SLC30A8: variants seen among roughly 807,000 people sequenced by gnomAD.
The protein encoded by SLC30A8 is solute carrier family 30 member 8.
A neutral mutation model predicts 36.9 loss-of-function variants in SLC30A8; 27 were observed. The observed-to-expected ratio is 0.73, with a 90% CI of 0.54 to 1.01. The LOEUF is 1.01. Ranked by LOEUF, SLC30A8 falls within the 50% of genes least tolerant of loss-of-function variation. The pLI is 0.00. For synonymous variants in SLC30A8, 164 were observed against 172.4 expected (o/e 0.95, Z 0.38); for missense variants, 439 against 452.0 (o/e 0.97, Z 0.26).
intron 1 of SLC30A8, among the ~76,000 whole-genome samples, chr8:117,013,320 C>T (rs1816405692): frequency 6.6e-6 from 1 of 152,142 alleles, no homozygotes; most frequent in African/African-American, 2.4e-5. Context: ...TCTGTCTCTA[C>T]TGCATGATTC....
chr8:116,989,496 C>G (rs1815558009), intron 1 of SLC30A8, among the ~76,000 whole-genome samples: 1 of 152,088 alleles, frequency 6.6e-6, no homozygotes, highest in South Asian at 2.1e-4. Flanking sequence ...ATTGTTTATT[C>G]AGTTAAGTAA....
At chr8:116,993,550 T>C (rs1035293467) in intron 1 of SLC30A8, among the ~76,000 whole-genome samples, 1 of 152,034 alleles carries the variant, frequency 6.6e-6, no homozygotes, top group African/African-American at 2.4e-5. Context: ...ATCTAGATGT[T>C]GGAGTTAGCA....
intron 3 of SLC30A8, among the ~76,000 whole-genome samples, chr8:117,155,021 A>G (rs1353275348): frequency 1.3e-5 from 2 of 152,202 alleles, no homozygotes; most frequent in Non-Finnish European, 1.5e-5. Context: ...ATTGGTGGCT[A>G]CCATATTAAA....
intron 1 of SLC30A8, among the ~76,000 whole-genome samples, chr8:116,981,696 C>T (rs1467161647): frequency 6.6e-6 from 1 of 152,184 alleles, no homozygotes; most frequent in Non-Finnish European, 1.5e-5. Context: ...TATTAGCTCA[C>T]TTAGGATAAT....
intron 2 of SLC30A8, among the ~76,000 whole-genome samples, chr8:117,109,118 AC>A (rs1278620604): frequency 6.6e-6 from 1 of 152,108 alleles, no homozygotes; most frequent in Non-Finnish European, 1.5e-5. Context: ...TGCATCATAT[AC>A]CCGTAACTGG....
chr8:116,994,562 T>C lies in SLC30A8; in HGVS notation c.-266+43443T>C, dbSNP rs1586374052. 2.0e-5 allele frequency among the ~76,000 whole-genome samples: 3 copies of C among 152,134 alleles called. No homozygotes were observed. In the South Asian group the frequency reaches 6.2e-4, roughly 31 times the overall value. ...AGTTCTGTAGGATTCTATTTGCTCA[T>C]GTTAAGAAACAGGCAAAAACTAATC... On this transcript the variant is annotated intron_variant, in intron 1 of 10. Coordinates refer to the SLC30A8 transcript ENST00000427715.
At chr8:117,157,910 G>C (rs139260515) in intron 4 of SLC30A8, 66 bp downstream of exon 4, 35 of 1,563,388 alleles carry the variant, frequency 2.2e-5, no homozygotes, top group Admixed American at 1.2e-4. Context: ...GGACAAAGTC[G>C]ACCTTTTAAA....
At chr8:117,142,176 T>C (rs1036891886) in intron 1 of SLC30A8, among the ~76,000 whole-genome samples, 18 of 152,116 alleles carry the variant, frequency 1.2e-4, no homozygotes, top group Non-Finnish European at 8.8e-5. Flanking sequence ...GTTGCACCTC[T>C]CTATTATTCC....
At chr8:116,984,148 T>G (rs1248461573) in intron 1 of SLC30A8, among the ~76,000 whole-genome samples, 1 of 152,208 alleles carries the variant, frequency 6.6e-6, no homozygotes, top group Non-Finnish European at 1.5e-5. Flanking sequence ...AATTCATTCC[T>G]TTTTATTGCT....
Position 117,174,050 on chromosome 8 carries a change from T to A in SLC30A8, c.*1369T>A, listed in dbSNP as rs963135063. On this transcript the variant is annotated 3_prime_UTR_variant, in exon 8 of 8. Transcript: ENST00000456015. ...CACAAGGCACACTTATGTTTGTCTG[T>A]TAGCTTTTAGTTGAAAAAGCAAAAT... is the stretch of plus-strand genomic sequence containing the variant. The A allele has an allele frequency of 6.6e-6, 1 of 152,186 alleles. No homozygotes were observed. Among genetic ancestry groups the A allele is most frequent in the African/African-American group, 2.4e-5 (1 of 41,460 alleles). The allele number at this position is 152,186 out of a possible 1,614,324, so 9.4% of individuals were successfully genotyped here. A position where few individuals can be genotyped will look rare whatever the true frequency, so the allele number is the denominator to read the frequency against.
At chr8:116,995,392 A>C (rs905232147) in intron 1 of SLC30A8, among the ~76,000 whole-genome samples, 1 of 152,098 alleles carries the variant, frequency 6.6e-6, no homozygotes, top group African/African-American at 2.4e-5. Flanking sequence ...TAGTTATTTC[A>C]TGGCCACACC....
At position 117,153,085 on chromosome 8, in the gene SLC30A8, G is replaced by A. The variant is rs746249658; in HGVS notation, c.413G>A (p.Arg138Gln). 25 of 1,606,890 alleles carry A rather than the reference G, an allele frequency of 1.6e-5. No individual in the cohort carries two copies. The highest frequency in any genetic ancestry group is 4.5e-5 in the East Asian group (2 of 44,798). Residue 138 changes from arginine to glutamine, a missense_variant, in exon 3 of 8, where the codon CGA (arginine) becomes CAA (glutamine). Physicochemically the swap from Arg to Gln is conservative, Grantham distance 43. Coordinates refer to ENST00000456015, the MANE Select transcript of SLC30A8 (RefSeq NM_173851.3). The stretch of plus-strand genomic sequence containing the variant: ...AAGCGGCTGACATTTGGATGGCACC[G>A]AGCAGGTACGGTTCATAGAGTGAGC... ...PSKRLTFGWHRAEILGALLSI... is the reference protein window; with the variant it reads ...PSKRLTFGWHQAEILGALLSI...
chr8:117,044,991 G>A lies in SLC30A8; in HGVS notation c.-226+5733G>A, dbSNP rs539721510. Among the ~76,000 whole-genome samples the A allele has an allele frequency of 1.2e-3, 187 of 152,276 alleles. 1 individual carries two copies. The highest frequency in any genetic ancestry group is 4.3e-3 in the African/African-American group (179 of 41,558). On this transcript the variant is annotated intron_variant, in intron 2 of 10. Transcript: ENST00000427715. ...GATGCATTAAACAAACGCGAGCCAG[G>A]GATTCCAGTAGGGAATTTAACACTG...
At chr8:117,036,107 AT>A (rs201412179) in intron 1 of SLC30A8, among the ~76,000 whole-genome samples, 4 of 140,846 alleles carry the variant, frequency 2.8e-5, no homozygotes, top group Admixed American at 1.4e-4. Context: ...GCCAGTTTGA[AT>A]TCCCCCCCCC....
intron 6 of SLC30A8, among the ~76,000 whole-genome samples, chr8:117,169,304 C>T (rs1023423727): frequency 2.0e-5 from 3 of 152,182 alleles, no homozygotes; most frequent in South Asian, 4.1e-4. Flanking sequence ...CATTTTTTGC[C>T]GAGTGTTCCA....
intron 2 of SLC30A8, among the ~76,000 whole-genome samples, chr8:117,097,935 A>C (rs187799516): frequency 5.0e-5 from 5 of 100,824 alleles, no homozygotes; most frequent in Non-Finnish European, 9.0e-5. Flanking sequence ...TATATATTAT[A>C]TATAATATAT....
At chr8:117,148,985 A>G (rs1822034577) in intron 2 of SLC30A8, among the ~76,000 whole-genome samples, 1 of 152,080 alleles carries the variant, frequency 6.6e-6, no homozygotes. Flanking sequence ...TCATCCCAGG[A>G]CATCACCCTG....
At chr8:116,995,236 T>A (rs1815775862) in intron 1 of SLC30A8, among the ~76,000 whole-genome samples, 1 of 152,018 alleles carries the variant, frequency 6.6e-6, no homozygotes, top group Admixed American at 6.6e-5. Flanking sequence ...CATCTTTGCT[T>A]GAAAAGTGCT....
chr8:117,116,181 A>G (rs1374152042), intron 2 of SLC30A8, among the ~76,000 whole-genome samples: 1 of 152,036 alleles, frequency 6.6e-6, no homozygotes, highest in African/African-American at 2.4e-5. Context: ...AGAAGTCTAC[A>G]AGGCCTTATA....
Sources: gnomAD v4.1 joint callset for allele counts (sites outside exome capture counted in the v4.1 genomes callset) on GRCh38, gnomAD v4.1.1 for gene constraint, MANE v1.5 for transcripts, NCBI Gene and HGNC (gene_info 2026-07-23, HGNC 2026-07-21) for gene names.